MARCHF3: variants seen among roughly 807,000 people sequenced by gnomAD.
MARCHF3 encodes membrane associated ring-CH-type finger 3.
MARCHF3 carries 13 observed loss-of-function variants against 24.2 expected under a neutral mutation model. The observed-to-expected ratio is 0.54, with a 90% CI of 0.35 to 0.85. The LOEUF (loss-of-function observed/expected upper bound fraction) is 0.85. Ranked by LOEUF, MARCHF3 falls within the 40% of genes least tolerant of loss-of-function variation. The pLI, the probability that MARCHF3 is intolerant of heterozygous loss-of-function variation, is 0.01. For missense variants in MARCHF3, 276 were observed against 325.0 expected, an observed-to-expected ratio of 0.85 and a Z score of 1.16; for synonymous variants, 144 against 137.3, an observed-to-expected ratio of 1.05 and a Z score of -0.34.
intron 1 of MARCHF3, among the ~76,000 whole-genome samples, chr5:126,956,665 AAAAAAAC>A (rs1750456129): frequency 1.4e-5 from 2 of 144,682 alleles, no homozygotes; most frequent in African/African-American, 5.3e-5. Context: ...AAAAAAAAAA[AAAAAAAC>A]CAAAAAAACA....
At chr5:127,024,980 A>T (rs997247169) in intron 1 of MARCHF3, among the ~76,000 whole-genome samples, 3 of 152,196 alleles carry the variant, frequency 2.0e-5, no homozygotes, top group Admixed American at 2.0e-4. Flanking sequence ...AATTTTTAGA[A>T]CCGCACTAGG....
Position 126,908,154 on chromosome 5 carries a change from C to T in MARCHF3, c.393+6776G>A, listed in dbSNP as rs192130691. ...AAGAATGTTGAATATTGGCCCCCAC[C>T]CTCTTCTGGCTTGTAGAGTTCCTGC... is the stretch of plus-strand genomic sequence containing the variant. On this transcript the variant is annotated intron_variant, in intron 3 of 4. Transcript: ENST00000308660. 4.9e-4 allele frequency among the ~76,000 whole-genome samples: 75 copies of T among 152,214 alleles called. 1 individual carries two copies. The East Asian group carries it at 5.4e-3, about 11-fold the overall frequency.
At position 126,914,991 on chromosome 5, in the gene MARCHF3, C is replaced by G; in HGVS notation, c.332G>C (p.Ser111Thr). 1 of 1,614,208 alleles carries G rather than the reference C, an allele frequency of 6.2e-7. No homozygotes were observed. Among genetic ancestry groups the G allele is most frequent in the South Asian group, 1.1e-5 (1 of 91,082 alleles). Residue 111 changes from serine to threonine, a missense_variant, in exon 3 of 5, where the codon AGC (serine) becomes ACC (threonine). Coordinates refer to ENST00000308660, the MANE Select transcript of MARCHF3 (RefSeq NM_178450.5). ...CCTGAAGTGGCAGAGTTCACAGTAG[C>G]TGGTGTTTGAGGATGACAGCCAGTG... ...LEHWLSSSNTSYCELCHFRFA... is the reference protein window; with the variant it reads ...LEHWLSSSNTTYCELCHFRFA...
chr5:126,900,519 GAA>G (rs1754069881), intron 3 of MARCHF3, among the ~76,000 whole-genome samples: 1 of 151,804 alleles, frequency 6.6e-6, no homozygotes. Context: ...ACCCTCACTA[GAA>G]CCCAACTATG....
At position 126,904,266 on chromosome 5, in the gene MARCHF3, A is replaced by G. The variant is rs568510124; in HGVS notation, c.393+10664T>C. Among the ~76,000 whole-genome samples, 42 of 150,446 alleles carry G rather than the reference A, an allele frequency of 2.8e-4. 1 individual carries two copies. Among genetic ancestry groups the G allele is most frequent in the African/African-American group, 9.9e-4 (40 of 40,518 alleles). On this transcript the variant is annotated intron_variant, in intron 3 of 4. Transcript: ENST00000308660. ...CTTTGCTATTGTGAATAATGCCGCA[A>G]TAAACATACGTGGGCATGTGTCTTT...
chr5:126,918,802 T>C (rs897781556), intron 1 of MARCHF3, among the ~76,000 whole-genome samples: 1 of 152,380 alleles, frequency 6.6e-6, no homozygotes, highest in Non-Finnish European at 1.5e-5. Context: ...CTTTCGACTT[T>C]TGCCATATCT....
At chr5:126,944,129 C>T (rs1468743198) in intron 1 of MARCHF3, among the ~76,000 whole-genome samples, 1 of 152,004 alleles carries the variant, frequency 6.6e-6, no homozygotes, top group African/African-American at 2.4e-5. Context: ...TAATCTTAGC[C>T]ACTCATAATC....
At chr5:126,973,864 T>C (rs1011468406) in intron 1 of MARCHF3, among the ~76,000 whole-genome samples, 11 of 149,648 alleles carry the variant, frequency 7.4e-5, no homozygotes, top group Non-Finnish European at 1.5e-4. Context: ...CTATCCAGAA[T>C]ATTAAGCAAA....
At chr5:126,908,036 C>G (rs1754366773) in intron 3 of MARCHF3, among the ~76,000 whole-genome samples, 1 of 152,020 alleles carries the variant, frequency 6.6e-6, no homozygotes, top group Non-Finnish European at 1.5e-5. Context: ...AATCTCTCAG[C>G]ATTTGCTTGT....
At chr5:126,999,324 G>A (rs1333568825) in intron 1 of MARCHF3, among the ~76,000 whole-genome samples, 1 of 152,082 alleles carries the variant, frequency 6.6e-6, no homozygotes, top group Admixed American at 6.6e-5. Context: ...GCCCAGACCA[G>A]CTTTCAATGA....
intron 1 of MARCHF3, among the ~76,000 whole-genome samples, chr5:126,943,096 G>T (rs1749886879): frequency 1.3e-5 from 2 of 152,130 alleles, no homozygotes; most frequent in Admixed American, 1.3e-4. Context: ...GACAATTCTG[G>T]CCAACACAGT....
chr5:126,937,074 G>A (rs1186899210), intron 1 of MARCHF3, among the ~76,000 whole-genome samples: 1 of 152,214 alleles, frequency 6.6e-6, no homozygotes, highest in Non-Finnish European at 1.5e-5. Flanking sequence ...ATCAGCTTCT[G>A]TGAGCTATAC....
At chr5:126,980,031 A>T (rs1751342945) in intron 1 of MARCHF3, among the ~76,000 whole-genome samples, 2 of 152,122 alleles carry the variant, frequency 1.3e-5, no homozygotes, top group South Asian at 4.1e-4. Context: ...CTGATTCCAG[A>T]ACTCTTGTGT....
rs1041788000 is a variant in MARCHF3 at position 126,869,753 on chromosome 5, G to C, written c.*880C>G. On this transcript the variant is annotated 3_prime_UTR_variant, in exon 5 of 5. Coordinates refer to ENST00000308660, the MANE Select transcript of MARCHF3 (RefSeq NM_178450.5). ...AAGACATGCACTAAATGAGATGGGA[G>C]TGAGAACAGCAACCTTTTTGCTTTT... 2 of 152,404 alleles carry C rather than the reference G, an allele frequency of 1.3e-5. No homozygotes were observed. The highest frequency in any genetic ancestry group is 3.9e-4 in the East Asian group (2 of 5,188). 9.4% of individuals were successfully genotyped at this position (152,404 alleles called of 1,614,324 possible).
intron 3 of MARCHF3, among the ~76,000 whole-genome samples, chr5:126,884,978 C>A (rs964943733): frequency 6.6e-5 from 10 of 152,202 alleles, no homozygotes; most frequent in African/African-American, 2.2e-4. Context: ...TACCAGTTCC[C>A]ATGTCTCCTG....
chr5:126,885,070 T>C (rs988455149), intron 3 of MARCHF3, among the ~76,000 whole-genome samples: 2 of 152,154 alleles, frequency 1.3e-5, no homozygotes, highest in African/African-American at 4.8e-5. Flanking sequence ...AACGGCACCT[T>C]CTCATGGAAA....
At chr5:126,871,799 C>T (rs7716932) in intron 4 of MARCHF3, among the ~76,000 whole-genome samples, 4,668 of 151,986 alleles carry the variant, frequency 0.031, 232 homozygotes, top group African/African-American at 0.1. Context: ...CTCTGCCTCA[C>T]GGGTTCAAGC....
chr5:127,009,809 C>T (rs1287958117), intron 1 of MARCHF3, among the ~76,000 whole-genome samples: 1 of 152,150 alleles, frequency 6.6e-6, no homozygotes, highest in African/African-American at 2.4e-5. Context: ...TTCCATGCAA[C>T]ACAGGTAAAG....
At chr5:126,963,253 G>A (rs1252780074) in intron 1 of MARCHF3, among the ~76,000 whole-genome samples, 1 of 152,034 alleles carries the variant, frequency 6.6e-6, no homozygotes, top group Non-Finnish European at 1.5e-5. Context: ...TTTATGAATT[G>A]TTACAAAAAT....
Sources: allele counts gnomAD v4.1 joint callset (sites outside exome capture counted in the v4.1 genomes callset), GRCh38; gene constraint gnomAD v4.1.1; transcripts MANE v1.5; gene names NCBI Gene and HGNC (gene_info 2026-07-23, HGNC 2026-07-21).